The following ARID5B variants were observed in gnomAD, a reference collection of about 807,000 sequenced individuals.
ARID5B encodes the protein AT-rich interactive domain-containing protein 5B.
ARID5B carries 13 observed loss-of-function variants against 97.2 expected under a neutral mutation model. The observed-to-expected ratio is 0.13, with a 90% confidence interval of 0.09 to 0.21. The LOEUF (loss-of-function observed/expected upper bound fraction) is 0.21. Among genes scored for constraint, ARID5B ranks in the 10% least tolerant of loss-of-function variants. The pLI, the probability that ARID5B is intolerant of heterozygous loss-of-function variation, is 1.00. For missense variants in ARID5B, 1,210 were observed against 1,465.3 expected (o/e 0.83, Z 2.84); for synonymous variants, 556 against 570.3 (o/e 0.97, Z 0.36).
At chr10:62,003,003 C>G (rs1411040867) in intron 4 of ARID5B, among the ~76,000 whole-genome samples, 2 of 152,186 alleles carry the variant, frequency 1.3e-5, no homozygotes, top group Admixed American at 6.5e-5. Context: ...AGCAGCTACA[C>G]CTTTGACACA....
chr10:62,085,908 G>A lies in ARID5B; in HGVS notation c.1398+8G>A. The A allele has an allele frequency of 6.2e-7, 1 of 1,605,850 alleles. No individual in the cohort carries two copies. Among genetic ancestry groups the A allele is most frequent in the Middle Eastern group, 1.7e-4 (1 of 5,998 alleles). ...CCCCAGGATGCAGCAGAGGTGAGTT[G>A]CTTTGCTCCATAGAAATACCTCTGG... is the stretch of plus-strand genomic sequence containing the variant. On this transcript the variant is annotated splice_region_variant and intron_variant, in intron 9 of 9. Transcript: ENST00000279873.
At chr10:61,969,904 T>C (rs1428766227) in intron 3 of ARID5B, among the ~76,000 whole-genome samples, 1 of 152,150 alleles carries the variant, frequency 6.6e-6, no homozygotes, top group East Asian at 1.9e-4. Context: ...CCAACATCAA[T>C]TAAAGGGATT....
At chr10:61,902,965 C>G (rs1456397171) in intron 2 of ARID5B, among the ~76,000 whole-genome samples, 5 of 152,188 alleles carry the variant, frequency 3.3e-5, no homozygotes, top group Non-Finnish European at 5.9e-5. Flanking sequence ...TGATAAATGA[C>G]AGGTACTGGA....
At chr10:62,074,659 T>A (rs1229005613) in intron 8 of ARID5B, among the ~76,000 whole-genome samples, 1 of 152,200 alleles carries the variant, frequency 6.6e-6, no homozygotes, top group African/African-American at 2.4e-5. Flanking sequence ...AAGGACATGA[T>A]TCCATGTATT....
At chr10:61,958,147 C>T (rs1163997515) in intron 3 of ARID5B, among the ~76,000 whole-genome samples, 1 of 151,516 alleles carries the variant, frequency 6.6e-6, no homozygotes, top group Non-Finnish European at 1.5e-5. Context: ...TGGATGAAGG[C>T]GTAAGCAGTG....
intron 3 of ARID5B, among the ~76,000 whole-genome samples, chr10:61,948,457 C>T (rs993224277): frequency 2.7e-5 from 4 of 147,952 alleles, no homozygotes; most frequent in Admixed American, 6.8e-5. Flanking sequence ...ACCTCTGCCT[C>T]CTGGGTTCAA....
chr10:62,089,473 G>GCCTTCCTTCCTTCCTTTCTTCCTT (rs1840337384), intron 9 of ARID5B, among the ~76,000 whole-genome samples: 1 of 144,900 alleles, frequency 6.9e-6, no homozygotes. Context: ...CTGCCTGCCT[G>GCCTTCCTTCCTTCCTTTCTTCCTT]CCTTCCTTCC....
At chr10:61,947,006 G>C (rs942349411) in intron 3 of ARID5B, among the ~76,000 whole-genome samples, 1 of 152,112 alleles carries the variant, frequency 6.6e-6, no homozygotes, top group African/African-American at 2.4e-5. Flanking sequence ...TCAAAGACTT[G>C]TAAAGATACT....
chr10:62,080,013 G>T (rs1245720606), intron 8 of ARID5B, among the ~76,000 whole-genome samples: 1 of 152,150 alleles, frequency 6.6e-6, no homozygotes, highest in Non-Finnish European at 1.5e-5. Context: ...AAGGCAGTTT[G>T]GCTTTGGTAG....
intron 4 of ARID5B, chr10:62,025,296 G>C (rs1423873903): frequency 6.6e-6 from 1 of 152,090 alleles, no homozygotes; most frequent in Admixed American, 6.5e-5. Flanking sequence ...ATTCATTTGT[G>C]CTTTATTTTT....
chr10:62,038,515 T>G (rs1410162478), intron 4 of ARID5B, among the ~76,000 whole-genome samples: 1 of 152,260 alleles, frequency 6.6e-6, no homozygotes, highest in African/African-American at 2.4e-5. Flanking sequence ...AATGTGAGCA[T>G]GATTTTTTTA....
At chr10:61,956,080 G>A (rs997333491) in intron 3 of ARID5B, among the ~76,000 whole-genome samples, 14 of 152,116 alleles carry the variant, frequency 9.2e-5, no homozygotes, top group African/African-American at 3.4e-4. Flanking sequence ...AAATAAATTT[G>A]ACTATATGGT....
intron 3 of ARID5B, among the ~76,000 whole-genome samples, chr10:61,996,166 G>A (rs1300311144): frequency 6.6e-6 from 1 of 152,100 alleles, no homozygotes; most frequent in Non-Finnish European, 1.5e-5. Flanking sequence ...TATCAATAAT[G>A]TTAAATCATT....
intron 4 of ARID5B, among the ~76,000 whole-genome samples, chr10:62,033,050 G>A (rs1322544322): frequency 6.6e-6 from 1 of 152,174 alleles, no homozygotes; most frequent in Admixed American, 6.5e-5. Context: ...CCAACAGGTT[G>A]CCATTCTTCT....
chr10:61,911,719 G>A (rs190640285), intron 2 of ARID5B, among the ~76,000 whole-genome samples: 2 of 152,278 alleles, frequency 1.3e-5, no homozygotes, highest in East Asian at 3.9e-4. Flanking sequence ...TGTGCCTTAT[G>A]TTTTTTGGCT....
intron 4 of ARID5B, among the ~76,000 whole-genome samples, chr10:62,040,344 T>C (rs1839620692): frequency 6.6e-6 from 1 of 151,696 alleles, no homozygotes; most frequent in South Asian, 2.1e-4. Context: ...TAACATTATA[T>C]ATATATATAT....
intron 4 of ARID5B, among the ~76,000 whole-genome samples, chr10:62,042,157 C>A (rs905875134): frequency 1.3e-5 from 2 of 152,084 alleles, no homozygotes; most frequent in African/African-American, 4.8e-5. Context: ...TTATATAGAA[C>A]CATACCAAGA....
intron 3 of ARID5B, among the ~76,000 whole-genome samples, chr10:61,965,300 T>G (rs879907978): frequency 3.3e-5 from 5 of 152,212 alleles, no homozygotes; most frequent in African/African-American, 7.2e-5. Context: ...TCTTTAAAGA[T>G]AATAGGAAAT....
At chr10:61,912,993 G>T (rs961121135) in intron 2 of ARID5B, among the ~76,000 whole-genome samples, 2 of 152,170 alleles carry the variant, frequency 1.3e-5, no homozygotes, top group Non-Finnish European at 2.9e-5. Flanking sequence ...CAGTATCAGA[G>T]AATAAAAATG....
Sources: allele counts gnomAD v4.1 joint callset (sites outside exome capture counted in the v4.1 genomes callset), GRCh38; gene constraint gnomAD v4.1.1; transcripts MANE v1.5; gene names NCBI Gene and HGNC (gene_info 2026-07-23, HGNC 2026-07-21).